The following FMN1 variants were observed in gnomAD, a reference collection of about 807,000 sequenced individuals.
The protein encoded by FMN1 is formin 1, also known as formin-1.
Under a neutral mutation model 132.4 loss-of-function variants are expected in FMN1, and 110 were observed. The ratio of observed to expected loss-of-function variants is 0.83; its 90% confidence interval spans 0.71 to 0.97. The LOEUF (loss-of-function observed/expected upper bound fraction) is 0.97. Among genes scored for constraint, FMN1 ranks in the 50% least tolerant of loss-of-function variants. The pLI, the probability that FMN1 is intolerant of heterozygous loss-of-function variation, is 0.00. For synonymous variants in FMN1, 722 were observed against 651.7 expected, an observed-to-expected ratio of 1.11 and a Z score of -1.64; for missense variants, 1,792 against 1,705.3, an observed-to-expected ratio of 1.05 and a Z score of -0.90.
intron 6 of FMN1, among the ~76,000 whole-genome samples, chr15:33,056,155 T>C (rs537093579): frequency 1.3e-5 from 2 of 152,318 alleles, no homozygotes; most frequent in African/African-American, 4.8e-5. Flanking sequence ...TCTGCTGACA[T>C]AGAATCCAGA....
intron 6 of FMN1, among the ~76,000 whole-genome samples, chr15:33,026,924 G>A (rs2035704714): frequency 6.6e-6 from 1 of 152,082 alleles, no homozygotes; most frequent in African/African-American, 2.4e-5. Flanking sequence ...GCTGTCACTG[G>A]GCTTACTGCC....
chr15:32,879,471 C>A (rs773576517), intron 16 of FMN1, among the ~76,000 whole-genome samples: 8 of 152,164 alleles, frequency 5.3e-5, no homozygotes, highest in South Asian at 2.1e-4. Flanking sequence ...ATTAGCCAGA[C>A]CTGTCCTAAT....
chr15:32,899,730 G>A (rs2060248840), intron 14 of FMN1: 3 of 537,528 alleles, frequency 5.6e-6, no homozygotes, highest in South Asian at 4.5e-5. Flanking sequence ...ACCTGATTGT[G>A]TATGTCAGAG....
At chr15:32,867,182 G>C (rs763066118) in intron 16 of FMN1, among the ~76,000 whole-genome samples, 29 of 152,092 alleles carry the variant, frequency 1.9e-4, no homozygotes, top group Non-Finnish European at 4.0e-4. Context: ...TCTCTGATTT[G>C]TTCTCCATAC....
At position 32,776,689 on chromosome 15, in the gene FMN1, T is replaced by TCTTC. The variant is rs371565425; in HGVS notation, c.4215+145_4215+146insGAAG. Reference sequence around the variant, plus strand: ...TTTTGTACCTCCACCCACACATACTTTTTTTTTTTTTTTTTTAACCATATG... The same window carrying TCTTC: ...TTTTGTACCTCCACCCACACATACTTCTTCTTTTTTTTTTTTTTTTAACCATATG... On this transcript the variant is annotated intron_variant, in intron 20 of 20. Coordinates refer to ENST00000616417, the MANE Select transcript of FMN1 (RefSeq NM_001277313.2). The TCTTC allele has an allele frequency of 7.1e-5, 13 of 182,154 alleles. 1 individual carries two copies. Among genetic ancestry groups the TCTTC allele is most frequent in the East Asian group, 5.0e-4 (4 of 8,004 alleles). The allele number at this position is 182,154 out of a possible 1,614,324, so 11.3% of individuals were successfully genotyped here.
At chr15:32,908,814 A>T (rs141154856) in intron 11 of FMN1, among the ~76,000 whole-genome samples, 17 of 152,214 alleles carry the variant, frequency 1.1e-4, no homozygotes, top group Admixed American at 2.0e-4. Context: ...ATGCATGCTC[A>T]AGTTTGAGAT....
At chr15:32,807,989 C>T (rs2057740608) in intron 17 of FMN1, among the ~76,000 whole-genome samples, 1 of 152,156 alleles carries the variant, frequency 6.6e-6, no homozygotes, top group Non-Finnish European at 1.5e-5. Flanking sequence ...ATGCTCTAAG[C>T]AAAACACAAA....
chr15:32,777,802 A>AAT (rs199706930), intron 19 of FMN1, among the ~76,000 whole-genome samples: 1,061 of 61,360 alleles, frequency 0.017, 133 homozygotes, highest in African/African-American at 0.034. Context: ...TATTATGTAT[A>AAT]ATATAATACA....
At chr15:33,181,600 T>G (rs980944960) in intron 2 of FMN1, among the ~76,000 whole-genome samples, 3 of 152,138 alleles carry the variant, frequency 2.0e-5, no homozygotes, top group African/African-American at 7.2e-5. Flanking sequence ...TTCGGGGCTG[T>G]GATATAGAGT....
chr15:32,998,835 A>C (rs1267198977), intron 7 of FMN1, among the ~76,000 whole-genome samples: 2 of 152,238 alleles, frequency 1.3e-5, no homozygotes, highest in South Asian at 2.1e-4. Context: ...CCCATGATAC[A>C]AATGAGCAAT....
intron 16 of FMN1, among the ~76,000 whole-genome samples, chr15:32,883,509 CAAAAAAAAAAAAAAA>C (rs60737133): frequency 0.035 from 898 of 25,986 alleles, 46 homozygotes; most frequent in Admixed American, 0.25. Flanking sequence ...GAACCTATCT[CAAAAAAAAAAAAAAA>C]AAAAAAAAAA....
chr15:33,123,903 C>CT (rs1217363532), intron 4 of FMN1, among the ~76,000 whole-genome samples: 3 of 152,320 alleles, frequency 2.0e-5, no homozygotes, highest in African/African-American at 7.2e-5. Context: ...AGGAATCTCT[C>CT]TACATCTCTC....
At chr15:32,995,820 G>A (rs74526889) in intron 7 of FMN1, among the ~76,000 whole-genome samples, 3,642 of 152,274 alleles carry the variant, frequency 0.024, 59 homozygotes, top group Middle Eastern at 0.085. Flanking sequence ...CTCTTAGGCT[G>A]CTTATACATA....
intron 15 of FMN1, among the ~76,000 whole-genome samples, chr15:32,888,857 GTTTTTT>G (rs34627075): frequency 0.2 from 27,664 of 135,568 alleles, 2,656 homozygotes; most frequent in South Asian, 0.23. Flanking sequence ...ATATACACAG[GTTTTTT>G]TTTTTTTTTT....
At chr15:33,029,545 A>T (rs2035838552) in intron 6 of FMN1, among the ~76,000 whole-genome samples, 1 of 152,188 alleles carries the variant, frequency 6.6e-6, no homozygotes, top group Non-Finnish European at 1.5e-5. Flanking sequence ...TGACAGTTGT[A>T]TTAGTTTTCC....
chr15:32,888,688 G>A (rs895617976), intron 15 of FMN1, among the ~76,000 whole-genome samples: 2 of 152,076 alleles, frequency 1.3e-5, no homozygotes, highest in African/African-American at 4.8e-5. Flanking sequence ...TCATCTTTGG[G>A]GCATACCAAT....
At chr15:33,036,752 G>A (rs942918405) in intron 6 of FMN1, among the ~76,000 whole-genome samples, 4 of 152,186 alleles carry the variant, frequency 2.6e-5, no homozygotes, top group African/African-American at 9.7e-5. Flanking sequence ...AGAGCATTTA[G>A]CTCATTTCCA....
At chr15:32,998,382 T>C (rs911920520) in intron 7 of FMN1, among the ~76,000 whole-genome samples, 5 of 152,198 alleles carry the variant, frequency 3.3e-5, no homozygotes, top group South Asian at 4.1e-4. Flanking sequence ...CCTAGGACTT[T>C]GGATTGAGTT....
intron 5 of FMN1, among the ~76,000 whole-genome samples, chr15:33,076,571 C>T (rs2038218376): frequency 1.3e-5 from 2 of 152,060 alleles, no homozygotes; most frequent in Admixed American, 1.3e-4. Flanking sequence ...CATGCTGTTC[C>T]AAGTAGGCAC....
Sources: allele counts gnomAD v4.1 joint callset (sites outside exome capture counted in the v4.1 genomes callset), GRCh38; gene constraint gnomAD v4.1.1; transcripts MANE v1.5; gene names NCBI Gene and HGNC (gene_info 2026-07-23, HGNC 2026-07-21).